Variants in GNG2 observed in about 807,000 individuals in gnomAD.
GNG2 encodes the protein G protein subunit gamma 2, also known as guanine nucleotide-binding protein G(I)/G(S)/G(O) subunit gamma-2.
A neutral mutation model predicts 5.5 loss-of-function variants in GNG2; 5 were observed. The ratio of observed to expected loss-of-function variants is 0.91; its 90% CI spans 0.48 to 1.92. GNG2 has a LOEUF of 1.92. GNG2 is among the 30% of genes most tolerant of loss of function. The pLI is 0.01. For synonymous variants in GNG2, 28 were observed against 32.0 expected (o/e 0.88, Z 0.42); for missense variants, 55 against 88.4 (o/e 0.62, Z 1.52).
At chr14:51,898,658 T>C (rs1187357413) in intron 2 of GNG2, among the ~76,000 whole-genome samples, 1 of 152,196 alleles carries the variant, frequency 6.6e-6, no homozygotes, top group Non-Finnish European at 1.5e-5. Context: ...CAATGTGCAC[T>C]GAACGCAAAT....
At chr14:51,854,500 T>C (rs867909437) in intron 2 of GNG2, among the ~76,000 whole-genome samples, 1 of 151,830 alleles carries the variant, frequency 6.6e-6, no homozygotes, top group East Asian at 1.9e-4. Context: ...CTTTTTTAAA[T>C]TTTTTCTTTG....
chr14:51,902,227 C>T (rs1364761924), intron 2 of GNG2, among the ~76,000 whole-genome samples: 1 of 151,964 alleles, frequency 6.6e-6, no homozygotes, highest in African/African-American at 2.4e-5. Context: ...TTTAACCAAA[C>T]CATCAAAACT....
intron 2 of GNG2, among the ~76,000 whole-genome samples, chr14:51,919,145 T>C (rs60361777): frequency 0.072 from 8,468 of 118,380 alleles, 252 homozygotes; most frequent in African/African-American, 0.16. Context: ...TTAATGATTT[T>C]ACTCTAAATT....
At chr14:51,840,804 A>G (rs529153908) in intron 2 of GNG2, among the ~76,000 whole-genome samples, 1 of 151,974 alleles carries the variant, frequency 6.6e-6, no homozygotes, top group African/African-American at 2.4e-5. Context: ...CCAGAAGACA[A>G]CCCCCTTCTT....
chr14:51,834,380 G>A (rs1881279188), intron 2 of GNG2, among the ~76,000 whole-genome samples: 2 of 152,310 alleles, frequency 1.3e-5, no homozygotes, highest in South Asian at 4.1e-4. Context: ...GCCTGCCACG[G>A]ACTCCCCTGC....
Position 51,860,800 on chromosome 14 carries a change from A to C in GNG2, c.-71+10A>C, listed in dbSNP as rs1273970038. On this transcript the variant is annotated intron_variant, in intron 1 of 3. Transcript: ENST00000556766. ...AGCCTCGGGAGCTAAGGTAAATGAA[A>C]CGTTTTCCATGTTGCTCGTTTTTAA... 2 of 152,132 alleles carry C rather than the reference A, an allele frequency of 1.3e-5. No homozygotes were observed. Among genetic ancestry groups the C allele is most frequent in the African/African-American group, 4.8e-5 (2 of 41,420 alleles). 9.4% of individuals were successfully genotyped at this position (152,132 alleles called of 1,614,324 possible).
chr14:51,853,969 C>T (rs1882034669), intron 2 of GNG2, among the ~76,000 whole-genome samples: 1 of 151,836 alleles, frequency 6.6e-6, no homozygotes, highest in Non-Finnish European at 1.5e-5. Context: ...TGGCTTACTG[C>T]ATCCTCTGCC....
At chr14:51,878,675 C>T (rs140422230) in intron 2 of GNG2, among the ~76,000 whole-genome samples, 3 of 152,256 alleles carry the variant, frequency 2.0e-5, no homozygotes, top group African/African-American at 7.2e-5. Context: ...TTTTCCTCAA[C>T]TCATATTTAT....
At chr14:51,842,460 C>T (rs981909560) in intron 2 of GNG2, among the ~76,000 whole-genome samples, 1 of 152,088 alleles carries the variant, frequency 6.6e-6, no homozygotes, top group Non-Finnish European at 1.5e-5. Flanking sequence ...TTGCAGCAGC[C>T]GCAGGGCTCC....
intron 2 of GNG2, chr14:51,940,281 C>G (rs1030390248): frequency 6.6e-6 from 1 of 152,258 alleles, no homozygotes; most frequent in African/African-American, 2.4e-5. Flanking sequence ...GAGTCCAGCT[C>G]TCTGTGTCTG....
At chr14:51,934,330 C>G (rs917881937) in intron 2 of GNG2, among the ~76,000 whole-genome samples, 1 of 152,162 alleles carries the variant, frequency 6.6e-6, no homozygotes, top group Admixed American at 6.5e-5. Context: ...AATCCCCTTT[C>G]CAACCAACTG....
intron 2 of GNG2, among the ~76,000 whole-genome samples, chr14:51,932,341 C>T (rs1887720076): frequency 1.3e-5 from 2 of 150,448 alleles, no homozygotes; most frequent in African/African-American, 4.9e-5. Context: ...CTCTCACATG[C>T]TACAGCATGG....
intron 1 of GNG2, among the ~76,000 whole-genome samples, chr14:51,863,884 C>T (rs1882689320): frequency 6.6e-6 from 1 of 152,152 alleles, no homozygotes; most frequent in Non-Finnish European, 1.5e-5. Context: ...GAATAATATT[C>T]CATTGAATGT....
rs1037001279 is a variant in GNG2 at position 51,967,743 on chromosome 14, G to A, written c.*1056G>A. On this transcript the variant is annotated 3_prime_UTR_variant, in exon 4 of 4. Coordinates refer to ENST00000556766, the MANE Select transcript of GNG2 (RefSeq NM_053064.5). ...AGAGTTAAGGATTCACCATGAGCTG[G>A]GAAATGCTTTTGCCATGAGTATGAG... The A allele has an allele frequency of 6.6e-6, 1 of 152,052 alleles. No individual in the cohort carries two copies. The highest frequency in any genetic ancestry group is 2.1e-4 in the South Asian group (1 of 4,818). The allele number at this position is 152,052 out of a possible 1,614,324, so 9.4% of individuals were successfully genotyped here.
At chr14:51,853,350 C>T (rs994516317) in intron 2 of GNG2, among the ~76,000 whole-genome samples, 1 of 152,134 alleles carries the variant, frequency 6.6e-6, no homozygotes, top group African/African-American at 2.4e-5. Flanking sequence ...GAAAGGGACA[C>T]ATTCACAAGC....
rs138445181 is a variant in GNG2, at chr14:51,873,904, A to G, written c.-70-3713A>G. On this transcript the variant is annotated intron_variant, in intron 1 of 3. Coordinates refer to ENST00000556766, the MANE Select transcript of GNG2 (RefSeq NM_053064.5). ...TAGGTACGACTCCTTTATCTTGGAC[A>G]GTCATCTTGTAATGCAGGCCTGTGG... is the stretch of plus-strand genomic sequence containing the variant. 5.9e-5 allele frequency: 9 copies of G among 152,344 alleles called. No individual in the cohort carries two copies. In the East Asian group the frequency reaches 1.5e-3, roughly 26 times the overall value. The allele number at this position is 152,344 out of a possible 1,614,324, so 9.4% of individuals were successfully genotyped here.
At chr14:51,951,905 G>C (rs1354792900) in intron 3 of GNG2, 3 of 702,052 alleles carry the variant, frequency 4.3e-6, no homozygotes, top group Non-Finnish European at 5.2e-6. Context: ...CTGACCCCTG[G>C]TCTACAGCGA....
At chr14:51,880,982 A>C (rs1029557291) in intron 2 of GNG2, among the ~76,000 whole-genome samples, 5 of 150,738 alleles carry the variant, frequency 3.3e-5, no homozygotes, top group East Asian at 1.9e-4. Context: ...AAAAAAAAAA[A>C]AAAAAACCCT....
rs375622720 is a variant in GNG2 at position 51,831,403 on chromosome 14, G to A, written c.64+3596G>A. The stretch of plus-strand genomic sequence containing the variant: ...CATAGTCCCCAGTACTTAGAACAAT[G>A]TCTGGCACATGTACTGTGCTCAATA... On this transcript the variant is annotated intron_variant, in intron 2 of 3. Transcript: ENST00000553432. Among the ~76,000 whole-genome samples, 4 of 152,200 alleles carry A rather than the reference G, an allele frequency of 2.6e-5. No homozygotes were observed. The South Asian group carries it at 8.3e-4, about 31-fold the overall frequency.
Sources: gnomAD v4.1 joint callset for allele counts (sites outside exome capture counted in the v4.1 genomes callset) on GRCh38, gnomAD v4.1.1 for gene constraint, MANE v1.5 for transcripts, NCBI Gene and HGNC (gene_info 2026-07-23, HGNC 2026-07-21) for gene names.